The following MECOM variants were observed in gnomAD, a reference collection of about 807,000 sequenced individuals.
The protein encoded by MECOM is histone-lysine N-methyltransferase MECOM.
MECOM carries 13 observed loss-of-function variants against 116.3 expected under a neutral mutation model. That is an observed-to-expected ratio of 0.11 (90% CI 0.07 to 0.18). The LOEUF is 0.18. Among genes scored for constraint, MECOM ranks in the 10% least tolerant of loss-of-function variants. The pLI is 1.00. For missense variants in MECOM, 1,299 were observed against 1,509.0 expected (o/e 0.86, Z 2.31); for synonymous variants, 528 against 535.2 (o/e 0.99, Z 0.19).
At chr3:169,619,577 A>C (rs1323696696) in intron 1 of MECOM, among the ~76,000 whole-genome samples, 1 of 152,086 alleles carries the variant, frequency 6.6e-6, no homozygotes, top group Non-Finnish European at 1.5e-5. Context: ...GCCACCACCG[A>C]GCCTTAATTC....
At chr3:169,548,356 T>A in intron 1 of MECOM, among the ~76,000 whole-genome samples, 1 of 152,328 alleles carries the variant, frequency 6.6e-6, no homozygotes, top group Non-Finnish European at 1.5e-5. Flanking sequence ...GGCAGTGGTC[T>A]TTTTTCCTTT....
chr3:169,469,603 G>T (rs186900127), intron 1 of MECOM, among the ~76,000 whole-genome samples: 1 of 29,160 alleles, frequency 3.4e-5, no homozygotes, highest in Non-Finnish European at 6.1e-5. Context: ...CAAGGTGTAC[G>T]TTTTTTTCTC....
chr3:169,638,626 T>C (rs1307197923), intron 1 of MECOM, among the ~76,000 whole-genome samples: 1 of 152,236 alleles, frequency 6.6e-6, no homozygotes, highest in East Asian at 1.9e-4. Flanking sequence ...AATGGAGGGC[T>C]CACACATCTG....
chr3:169,332,440 C>T (rs556945290), intron 2 of MECOM, among the ~76,000 whole-genome samples: 3 of 151,988 alleles, frequency 2.0e-5, no homozygotes, highest in South Asian at 2.1e-4. Context: ...TGAGCCAGAA[C>T]GAGAGTCAGA....
chr3:169,481,875 T>C lies in MECOM; in HGVS notation c.38-100351A>G, dbSNP rs1288801156. Reference sequence around the variant, plus strand: ...TACAAGTCATCATTTTAATACCATATCTCAAAGATCTGCCCCAACTGGAAT... The same window carrying C: ...TACAAGTCATCATTTTAATACCATACCTCAAAGATCTGCCCCAACTGGAAT... On this transcript the variant is annotated intron_variant, in intron 1 of 16. Transcript: ENST00000651503. Among the ~76,000 whole-genome samples, 6 of 152,212 alleles carry C rather than the reference T, an allele frequency of 3.9e-5. No homozygotes were observed. The South Asian group carries it at 1.2e-3, about 32-fold the overall frequency.
chr3:169,657,884 T>C (rs372862774), intron 1 of MECOM, among the ~76,000 whole-genome samples: 7 of 152,208 alleles, frequency 4.6e-5, no homozygotes, highest in Admixed American at 3.9e-4. Flanking sequence ...ACTTTTTTCA[T>C]TTCCTGGAGG....
chr3:169,209,717 A>C (rs2149470766), intron 2 of MECOM, among the ~76,000 whole-genome samples: 1 of 152,326 alleles, frequency 6.6e-6, no homozygotes, highest in African/African-American at 2.4e-5. Context: ...GATGCTGGTG[A>C]GGCTGTGGGG....
chr3:169,148,038 G>A (rs957386142), intron 2 of MECOM, among the ~76,000 whole-genome samples: 6 of 152,012 alleles, frequency 3.9e-5, no homozygotes, highest in African/African-American at 1.2e-4. Context: ...TTTTTTAATT[G>A]AAACTCATAC....
At chr3:169,149,965 GTGTGTGTGTGTGTC>G (rs1402290375) in intron 2 of MECOM, among the ~76,000 whole-genome samples, 23 of 150,014 alleles carry the variant, frequency 1.5e-4, no homozygotes, top group East Asian at 7.8e-4. Flanking sequence ...GTGTGTGTGT[GTGTGTGTGTGTGTC>G]TGTCTGTCTG....
At chr3:169,545,841 ACCTCCTCC>A (rs1319027663) in intron 1 of MECOM, among the ~76,000 whole-genome samples, 1 of 145,904 alleles carries the variant, frequency 6.9e-6, no homozygotes, top group Non-Finnish European at 1.5e-5. Context: ...TTCCTGCCAA[ACCTCCTCC>A]CCTGCTCTAC....
chr3:169,646,031 T>C (rs1257958915), intron 1 of MECOM, among the ~76,000 whole-genome samples: 2 of 152,196 alleles, frequency 1.3e-5, no homozygotes, highest in East Asian at 3.9e-4. Flanking sequence ...AAAAGAATGA[T>C]GGCTTCCAGC....
intron 1 of MECOM, among the ~76,000 whole-genome samples, chr3:169,584,622 G>T (rs769919670): frequency 2.6e-5 from 4 of 151,908 alleles, no homozygotes; most frequent in African/African-American, 9.7e-5. Context: ...AGAAAGTCTG[G>T]GAAGGCTCAA....
intron 1 of MECOM, among the ~76,000 whole-genome samples, chr3:169,584,409 C>CA (rs745627436): frequency 2.6e-4 from 40 of 151,156 alleles, no homozygotes; most frequent in Non-Finnish European, 4.9e-4. Context: ...ACTAAAAATA[C>CA]AAAAAATTAG....
intron 2 of MECOM, among the ~76,000 whole-genome samples, chr3:169,330,573 G>A (rs1053154294): frequency 1.3e-5 from 2 of 152,078 alleles, no homozygotes; most frequent in Non-Finnish European, 2.9e-5. Flanking sequence ...ATAAACTGAT[G>A]ATAGATTATA....
intron 1 of MECOM, among the ~76,000 whole-genome samples, chr3:169,571,921 T>C (rs1440754646): frequency 6.6e-6 from 1 of 152,196 alleles, no homozygotes; most frequent in African/African-American, 2.4e-5. Context: ...ATTCAGGACA[T>C]AGGCATGGTC....
intron 2 of MECOM, among the ~76,000 whole-genome samples, chr3:169,351,003 C>A (rs142840556): frequency 6.6e-6 from 1 of 151,906 alleles, no homozygotes; most frequent in African/African-American, 2.4e-5. Context: ...CACATATAAC[C>A]TAAAGAGCTT....
chr3:169,495,367 A>G (rs1753685860), intron 1 of MECOM, among the ~76,000 whole-genome samples: 1 of 152,146 alleles, frequency 6.6e-6, no homozygotes, highest in Non-Finnish European at 1.5e-5. Flanking sequence ...CACAAATATG[A>G]TATTAATTTA....
intron 1 of MECOM, chr3:169,469,999 C>T (rs1023640471): frequency 6.6e-6 from 1 of 152,172 alleles, no homozygotes; most frequent in African/African-American, 2.4e-5. Flanking sequence ...GATATTAAAG[C>T]TCCAGAGGAG....
chr3:169,573,741 C>G (rs182594214), intron 1 of MECOM, among the ~76,000 whole-genome samples: 5 of 152,144 alleles, frequency 3.3e-5, no homozygotes, highest in African/African-American at 1.2e-4. Flanking sequence ...ATCTTTTGAA[C>G]TAATAAAAAC....
Sources: allele counts gnomAD v4.1 joint callset (sites outside exome capture counted in the v4.1 genomes callset), GRCh38; gene constraint gnomAD v4.1.1; transcripts MANE v1.5; gene names NCBI Gene and HGNC (gene_info 2026-07-23, HGNC 2026-07-21).